MYT1L: variants seen among roughly 807,000 people sequenced by gnomAD.
MYT1L encodes myelin transcription factor 1 like.
Under a neutral mutation model 126.7 loss-of-function variants are expected in MYT1L, and 12 were observed. The observed-to-expected ratio is 0.09, with a 90% CI of 0.06 to 0.15. The LOEUF is 0.15. Ranked by LOEUF, MYT1L falls within the 10% of genes least tolerant of loss-of-function variation. The probability of loss-of-function intolerance (pLI) is 1.00; values close to 1 mark genes in which losing one functional copy is unlikely to be tolerated. For synonymous variants in MYT1L, 541 were observed against 604.2 expected (o/e 0.90, Z 1.53); for missense variants, 979 against 1,585.2 (o/e 0.62, Z 6.49).
chr2:1,893,092 A>T (rs748463622), intron 14 of MYT1L, among the ~76,000 whole-genome samples: 1 of 152,148 alleles, frequency 6.6e-6, no homozygotes, highest in Non-Finnish European at 1.5e-5. Context: ...ACCCTCACTG[A>T]CACGATTCCC....
chr2:2,190,795 G>A (rs2092548213), intron 2 of MYT1L, among the ~76,000 whole-genome samples: 1 of 152,134 alleles, frequency 6.6e-6, no homozygotes, highest in Admixed American at 6.5e-5. Context: ...GTCCAGGGTG[G>A]TGTTTTTAAG....
chr2:1,793,381 C>T lies in MYT1L; in HGVS notation c.3277-917G>A, dbSNP rs188264846. On this transcript the variant is annotated intron_variant, in intron 23 of 24. Coordinates refer to ENST00000647738, the MANE Select transcript of MYT1L (RefSeq NM_001303052.2). The surrounding 1 kb of genome is among the most constrained non-coding windows in gnomAD (Gnocchi z 4.6). ...CTTGGGCACCCAAGGGTGCCTCTGCCGTGCATGATCTGGGGCTTCTTCCTG... is the reference window on the plus strand; with the variant it reads ...CTTGGGCACCCAAGGGTGCCTCTGCTGTGCATGATCTGGGGCTTCTTCCTG... Among the ~76,000 whole-genome samples, 398 of 152,322 alleles carry T rather than the reference C, an allele frequency of 2.6e-3. 2 individuals are homozygous for T. Among genetic ancestry groups the T allele is most frequent in the Non-Finnish European group, 4.7e-3 (321 of 68,030 alleles).
intron 2 of MYT1L, among the ~76,000 whole-genome samples, chr2:2,225,051 C>T (rs183658569): frequency 6.6e-6 from 1 of 151,986 alleles, no homozygotes; most frequent in East Asian, 1.9e-4. Flanking sequence ...ATTGTGTGAC[C>T]AGTCCTGTCT....
intron 21 of MYT1L, chr2:1,816,628 G>A (rs369941062): frequency 6.5e-6 from 1 of 152,832 alleles, no homozygotes; most frequent in Non-Finnish European, 1.5e-5. Context: ...ACGCCAAGAC[G>A]AAGGCGCATA....
intron 9 of MYT1L, among the ~76,000 whole-genome samples, chr2:1,934,111 A>C (rs973249730): frequency 3.3e-5 from 5 of 149,698 alleles, no homozygotes; most frequent in African/African-American, 1.2e-4. Flanking sequence ...AGTAGCTGGG[A>C]CTACAGGCAC....
At chr2:2,119,408 C>T (rs975412418) in intron 3 of MYT1L, among the ~76,000 whole-genome samples, 2 of 151,766 alleles carry the variant, frequency 1.3e-5, no homozygotes, top group Admixed American at 1.3e-4. Flanking sequence ...GAGTCATTAC[C>T]CAAAAGTAAT....
chr2:1,815,977 C>G (rs2037565743), intron 21 of MYT1L, among the ~76,000 whole-genome samples: 1 of 152,150 alleles, frequency 6.6e-6, no homozygotes, highest in Admixed American at 6.5e-5. Context: ...CCCCATGGCA[C>G]AGTTATCTCT....
intron 3 of MYT1L, among the ~76,000 whole-genome samples, chr2:2,114,937 CA>C (rs1213854889): frequency 6.6e-6 from 1 of 152,214 alleles, no homozygotes. Flanking sequence ...TCAGAAGATC[CA>C]CCCACTATTC....
At chr2:2,062,441 G>A (rs1486535789) in intron 3 of MYT1L, among the ~76,000 whole-genome samples, 3 of 152,162 alleles carry the variant, frequency 2.0e-5, no homozygotes, top group Non-Finnish European at 4.4e-5. Context: ...TGGTTCTCTT[G>A]AAAGCTTGGG....
At chr2:2,005,034 G>GAATA (rs2063064547) in intron 4 of MYT1L, among the ~76,000 whole-genome samples, 2 of 150,674 alleles carry the variant, frequency 1.3e-5, no homozygotes, top group African/African-American at 4.9e-5. Flanking sequence ...CTTCTTTCCT[G>GAATA]CAGGCGTTCT....
At chr2:2,226,118 C>T (rs1394699566) in intron 2 of MYT1L, among the ~76,000 whole-genome samples, 1 of 152,068 alleles carries the variant, frequency 6.6e-6, no homozygotes, top group Non-Finnish European at 1.5e-5. Context: ...CTAGAGGCGG[C>T]AATGCAGGAA....
intron 18 of MYT1L, among the ~76,000 whole-genome samples, chr2:1,851,915 G>A (rs1335266692): frequency 3.3e-5 from 5 of 152,076 alleles, no homozygotes; most frequent in African/African-American, 9.7e-5. Flanking sequence ...TGGCTGCTCC[G>A]CTCCCCACAG....
At chr2:2,069,380 T>C (rs1287548643) in intron 3 of MYT1L, among the ~76,000 whole-genome samples, 2 of 152,194 alleles carry the variant, frequency 1.3e-5, no homozygotes, top group Admixed American at 6.5e-5. Flanking sequence ...ACTTCATCCA[T>C]GTCCCTTCAA....
At chr2:1,951,346 G>C (rs569557119) in intron 8 of MYT1L, among the ~76,000 whole-genome samples, 1 of 152,050 alleles carries the variant, frequency 6.6e-6, no homozygotes, top group Non-Finnish European at 1.5e-5. Context: ...GGGGCCAGCA[G>C]AGGGGACAGA....
chr2:1,841,801 G>C (rs2041763301), intron 19 of MYT1L: 1 of 152,186 alleles, frequency 6.6e-6, no homozygotes, highest in South Asian at 2.1e-4. Context: ...TCCATCTCAG[G>C]TTCGTGTCTT....
At chr2:1,860,019 C>T (rs900612035) in intron 18 of MYT1L, among the ~76,000 whole-genome samples, 3 of 152,242 alleles carry the variant, frequency 2.0e-5, no homozygotes, top group Admixed American at 6.5e-5. Context: ...GTCTGTTTCC[C>T]GACCATGCAG....
intron 2 of MYT1L, among the ~76,000 whole-genome samples, chr2:2,211,873 C>A (rs1237661037): frequency 6.7e-6 from 1 of 149,440 alleles, no homozygotes; most frequent in Non-Finnish European, 1.5e-5. Context: ...ACAAGCAGAA[C>A]TCTTTGTGGT....
At chr2:2,251,133 A>G (rs1224056333) in intron 2 of MYT1L, among the ~76,000 whole-genome samples, 1 of 152,174 alleles carries the variant, frequency 6.6e-6, no homozygotes, top group Non-Finnish European at 1.5e-5. Flanking sequence ...GAATTAGATC[A>G]TTCTGTCCTT....
chr2:2,145,674 C>G (rs1461457922), intron 3 of MYT1L, among the ~76,000 whole-genome samples: 1 of 151,814 alleles, frequency 6.6e-6, no homozygotes, highest in Non-Finnish European at 1.5e-5. Flanking sequence ...CACAAAGACA[C>G]ATATACACAC....
Sources: gnomAD v4.1 joint callset for allele counts (sites outside exome capture counted in the v4.1 genomes callset) on GRCh38, gnomAD v4.1.1 for gene constraint, Gnocchi (gnomAD v3.1) non-coding constraint, MANE v1.5 for transcripts, NCBI Gene and HGNC (gene_info 2026-07-23, HGNC 2026-07-21) for gene names.